Variants in RBM45 observed in about 807,000 individuals in gnomAD.
RBM45 encodes the protein RNA-binding protein 45.
Under a neutral mutation model 58.5 loss-of-function variants are expected in RBM45, and 39 were observed. The ratio of observed to expected loss-of-function variants is 0.67; its 90% CI spans 0.52 to 0.87. The LOEUF is 0.87. Ranked by LOEUF, RBM45 falls within the 40% of genes least tolerant of loss-of-function variation. RBM45 has a pLI of 0.00. For missense variants in RBM45, 481 were observed against 581.6 expected (o/e 0.83, Z 1.78); for synonymous variants, 193 against 203.0 (o/e 0.95, Z 0.42).
chr2:178,121,283 A>T lies in RBM45; in HGVS notation c.777A>T (p.Glu259Asp), dbSNP rs140364321. 6.2e-7 allele frequency: 1 copy of T among 1,606,622 alleles called. No homozygotes were observed. Among genetic ancestry groups the T allele is most frequent in the African/African-American group, 1.3e-5 (1 of 74,526 alleles). The change falls in exon 5 of 10, where the codon GAA (glutamate) becomes GAT (aspartate). Residue 259 changes from glutamate to aspartate, a missense_variant. Glu to Asp is a conservative substitution (Grantham distance 45). Coordinates refer to ENST00000286070, the MANE Select transcript of RBM45 (RefSeq NM_152945.4). ...TATCAAGAGTTCCTTTCACTGAAGA[A>T]CAGCTTTTCAGCATTTTTGATATAG... Reference protein sequence around the residue: ...SVVSRVPFTEEQLFSIFDIVP... With the variant: ...SVVSRVPFTEDQLFSIFDIVP...
In RBM45 at chr2:178,112,897, G is replaced by T. The variant is rs184065550; in HGVS notation, c.300+51G>T. 1,110 of 1,557,720 alleles carry T rather than the reference G, an allele frequency of 7.1e-4. 1 individual carries two copies. The highest frequency in any genetic ancestry group is 2.4e-3 in the East Asian group (106 of 44,098). Reference sequence around the variant, plus strand: ...CTCGGGGGAAGGAGTGGGCCTCTTGGACCTCCCTTCACCTGCTGCTCTGCC... The same window carrying T: ...CTCGGGGGAAGGAGTGGGCCTCTTGTACCTCCCTTCACCTGCTGCTCTGCC... On this transcript the variant is annotated intron_variant, in intron 1 of 9. Coordinates refer to ENST00000286070, the MANE Select transcript of RBM45 (RefSeq NM_152945.4).
chr2:178,127,165 C>T (rs1360934830), intron 9 of RBM45, among the ~76,000 whole-genome samples: 2 of 152,058 alleles, frequency 1.3e-5, no homozygotes, highest in African/African-American at 2.4e-5. Context: ...CCTCATGATC[C>T]GCCCGCCTCG....
At chr2:178,137,609 A>C (rs373100086) in exon 4 of RBM45, 15 of 152,344 alleles carry the variant, frequency 9.8e-5, no homozygotes, top group African/African-American at 3.1e-4. Context: ...GATGTGCTGT[A>C]GGATTCCCAG....
downstream of RBM45, among the ~76,000 whole-genome samples, chr2:178,134,244 A>G (rs1480799164): frequency 2.0e-5 from 3 of 152,236 alleles, no homozygotes; most frequent in Admixed American, 6.5e-5. Flanking sequence ...GAAGGAAGGC[A>G]TCGGAAGACC....
Position 178,121,385 on chromosome 2 carries a change from T to A in RBM45, c.853+26T>A, listed in dbSNP as rs751727108. On this transcript the variant is annotated intron_variant, in intron 5 of 9. Coordinates refer to ENST00000286070, the MANE Select transcript of RBM45 (RefSeq NM_152945.4). ...GTAAAATAATGTTCACATTAAAAAA[T>A]ATATATATATGTATATATACACACA... 5.0e-5 allele frequency: 54 copies of A among 1,072,494 alleles called. No homozygotes were observed. The East Asian group carries it at 7.6e-4, about 15-fold the overall frequency. The allele number at this position is 1,072,494 out of a possible 1,614,324, so 66.4% of individuals were successfully genotyped here. A position where few individuals can be genotyped will look rare whatever the true frequency, so the allele number is the denominator to read the frequency against.
downstream of RBM45, among the ~76,000 whole-genome samples, chr2:178,130,498 C>A (rs574456141): frequency 3.7e-4 from 57 of 152,030 alleles, no homozygotes; most frequent in Non-Finnish European, 7.2e-4. Context: ...GCAGCCTGGA[C>A]AACAGAGCAA....
chr2:178,132,547 A>G (rs962298845), downstream of RBM45, among the ~76,000 whole-genome samples: 1 of 152,142 alleles, frequency 6.6e-6, no homozygotes, highest in African/African-American at 2.4e-5. Context: ...GATGGAAATG[A>G]TGGTGTTTGA....
downstream of RBM45, among the ~76,000 whole-genome samples, chr2:178,130,167 A>T (rs1490458629): frequency 6.6e-6 from 1 of 152,200 alleles, no homozygotes; most frequent in Non-Finnish European, 1.5e-5. Context: ...AAAATATGAC[A>T]TGTAAGGAAT....
rs544393208 is a variant in RBM45 at position 178,122,737 on chromosome 2, G to A, written c.854-785G>A. ...TAATAGAGGTGTCATCATATAGTTC[G>A]AATCTCATTTGAATTAACTTTATAT... On this transcript the variant is annotated intron_variant, in intron 5 of 9. Coordinates refer to ENST00000286070, the MANE Select transcript of RBM45 (RefSeq NM_152945.4). Among the ~76,000 whole-genome samples, 7 of 152,102 alleles carry A rather than the reference G, an allele frequency of 4.6e-5. No individual in the cohort carries two copies. The South Asian group carries it at 1.5e-3, about 32-fold the overall frequency.
chr2:178,114,199 A>G (rs1325952407), intron 1 of RBM45, among the ~76,000 whole-genome samples: 2 of 152,230 alleles, frequency 1.3e-5, no homozygotes, highest in Non-Finnish European at 2.9e-5. Context: ...AAACTGTAAA[A>G]ACAATTATTA....
chr2:178,132,388 TA>T (rs2088012485), downstream of RBM45, among the ~76,000 whole-genome samples: 1 of 152,230 alleles, frequency 6.6e-6, no homozygotes, highest in African/African-American at 2.4e-5. Context: ...TCTAAAATTT[TA>T]GCTTTCTCTG....
intron 5 of RBM45, 88 bp downstream of exon 5, chr2:178,121,447 G>A: frequency 1.5e-6 from 1 of 680,832 alleles, no homozygotes; most frequent in East Asian, 3.5e-5. Context: ...CACACACAGA[G>A]TTTTGTTAAA....
chr2:178,137,755 C>G (rs2088056622), exon 4 of RBM45: 1 of 152,130 alleles, frequency 6.6e-6, no homozygotes, highest in South Asian at 2.1e-4. Flanking sequence ...TTGAGCTGTA[C>G]TCTATGGAGT....
At chr2:178,114,910 A>G (rs1006446095) in intron 1 of RBM45, among the ~76,000 whole-genome samples, 12 of 152,210 alleles carry the variant, frequency 7.9e-5, no homozygotes, top group African/African-American at 1.9e-4. Context: ...CAGCAGCTGC[A>G]GCTTGAGCCA....
In RBM45 at chr2:178,112,699, C is replaced by G; in HGVS notation, c.153C>G (p.Ile51Met). The G allele has an allele frequency of 6.2e-7, 1 of 1,614,244 alleles. No individual in the cohort carries two copies. The highest frequency in any genetic ancestry group is 8.5e-7 in the Non-Finnish European group (1 of 1,180,052). The change falls in exon 1 of 10, where the codon ATC becomes ATG. Residue 51 changes from isoleucine (I) to methionine (M), a missense_variant. Transcript: ENST00000286070. ...AGCGCTTCTCGCCTTTTGGCGACAT[C>G]CAGGACATCTGGGTGGTGCGGGACA... ...LRERFSPFGD[I>M]QDIWVVRDKH...
chr2:178,121,110 A>G (rs761585950), intron 4 of RBM45, 70 bp from the exon 5 acceptor site: 140 of 755,344 alleles, frequency 1.9e-4, no homozygotes, highest in Non-Finnish European at 2.8e-4. Context: ...GTTTTCTAGT[A>G]TTTAAAATGT....
intron 9 of RBM45, among the ~76,000 whole-genome samples, chr2:178,128,158 A>G (rs2087959040): frequency 6.6e-6 from 1 of 151,946 alleles, no homozygotes; most frequent in Non-Finnish European, 1.5e-5. Flanking sequence ...GGCATGTGCC[A>G]CCATGCCCAG....
chr2:178,136,509 C>T (rs908697590), exon 4 of RBM45: 3 of 152,172 alleles, frequency 2.0e-5, no homozygotes, highest in Non-Finnish European at 4.4e-5. Context: ...ACTAAGAGAA[C>T]CACATGCGGC....
chr2:178,138,072 A>G (rs552558016), exon 4 of RBM45: 1 of 152,346 alleles, frequency 6.6e-6, no homozygotes, highest in South Asian at 2.1e-4. Context: ...GTAAATAGTC[A>G]TAGCACTAAA....
Sources: allele counts gnomAD v4.1 joint callset (sites outside exome capture counted in the v4.1 genomes callset), GRCh38; gene constraint gnomAD v4.1.1; transcripts MANE v1.5; gene names NCBI Gene and HGNC (gene_info 2026-07-23, HGNC 2026-07-21).